GALNT13: variants seen among roughly 807,000 people sequenced by gnomAD.
GALNT13 encodes the protein UDP-GalNAc:polypeptide N-acetylgalactosaminyltransferase 13.
In GALNT13, 28 loss-of-function variants were observed where a neutral mutation model predicts 64.2. That is an observed-to-expected ratio of 0.44 (90% CI 0.32 to 0.60). The LOEUF (loss-of-function observed/expected upper bound fraction) is 0.60, where lower values mean the gene tolerates loss of function less well. Among genes scored for constraint, GALNT13 ranks in the 20% least tolerant of loss-of-function variants. The probability of loss-of-function intolerance (pLI) is 0.05; values close to 1 mark genes in which losing one functional copy is unlikely to be tolerated. For synonymous variants in GALNT13, 214 were observed against 224.6 expected, an observed-to-expected ratio of 0.95 and a Z score of 0.42; for missense variants, 577 against 669.8, an observed-to-expected ratio of 0.86 and a Z score of 1.53.
the GALNT13 span, among the ~76,000 whole-genome samples, chr2:153,236,304 T>A: frequency 6.6e-6 from 1 of 152,084 alleles, no homozygotes; most frequent in Non-Finnish European, 1.5e-5. Context: ...CTAGCTAAGA[T>A]CATTGATGAA....
chr2:154,370,898 CAG>C (rs1697649136), intron 9 of GALNT13, among the ~76,000 whole-genome samples: 1 of 152,036 alleles, frequency 6.6e-6, no homozygotes, highest in Admixed American at 6.6e-5. Flanking sequence ...AATTAAGTCT[CAG>C]GGCACAACAT....
chr2:154,108,746 T>C (rs940272538), intron 3 of GALNT13, among the ~76,000 whole-genome samples: 2 of 152,096 alleles, frequency 1.3e-5, no homozygotes, highest in African/African-American at 2.4e-5. Flanking sequence ...CTTCTATCCA[T>C]TTTAGGGTAT....
the GALNT13 span, among the ~76,000 whole-genome samples, chr2:153,309,161 G>A: frequency 6.6e-6 from 1 of 152,068 alleles, no homozygotes. Flanking sequence ...TGGAAAACAT[G>A]TACAAACTCA....
chr2:153,120,506 TG>T, the GALNT13 span, among the ~76,000 whole-genome samples: 2 of 152,198 alleles, frequency 1.3e-5, no homozygotes, highest in Non-Finnish European at 2.9e-5. Flanking sequence ...GACAAAGTAA[TG>T]GGAATGCAGC....
chr2:154,375,150 G>A (rs563524268), intron 9 of GALNT13, among the ~76,000 whole-genome samples: 9 of 152,140 alleles, frequency 5.9e-5, no homozygotes, highest in South Asian at 4.1e-4. Flanking sequence ...ACCAAGCCCA[G>A]CTAATTTTTT....
chr2:154,208,524 A>G (rs1031238494), intron 4 of GALNT13, among the ~76,000 whole-genome samples: 1 of 152,066 alleles, frequency 6.6e-6, no homozygotes, highest in Non-Finnish European at 1.5e-5. Context: ...TCCTGGAGTC[A>G]TGCAGTGGCA....
intron 9 of GALNT13, among the ~76,000 whole-genome samples, chr2:154,338,809 G>A (rs966216413): frequency 6.6e-6 from 1 of 151,944 alleles, no homozygotes; most frequent in Admixed American, 6.6e-5. Flanking sequence ...TTAAGGTGTG[G>A]GCTCTGTCAT....
At chr2:154,422,974 A>T (rs1378625203) in intron 11 of GALNT13, among the ~76,000 whole-genome samples, 1 of 152,000 alleles carries the variant, frequency 6.6e-6, no homozygotes, top group Non-Finnish European at 1.5e-5. Flanking sequence ...CAGGTTTATT[A>T]TATAAGTATG....
At chr2:154,312,420 T>A (rs1253409787) in intron 9 of GALNT13, among the ~76,000 whole-genome samples, 1 of 152,200 alleles carries the variant, frequency 6.6e-6, no homozygotes, top group East Asian at 1.9e-4. Context: ...AGTCATCCTT[T>A]TTATTCGTAT....
intron 3 of GALNT13, among the ~76,000 whole-genome samples, chr2:154,104,692 G>T (rs368655113): frequency 1.3e-5 from 2 of 152,202 alleles, no homozygotes; most frequent in Admixed American, 1.3e-4. Flanking sequence ...CCATACACTA[G>T]ATCTCCAGGT....
the GALNT13 span, among the ~76,000 whole-genome samples, chr2:153,533,912 C>A: frequency 6.7e-6 from 1 of 149,852 alleles, no homozygotes; most frequent in African/African-American, 2.5e-5. Flanking sequence ...TTTTTTATTT[C>A]TTTTTCTGGA....
chr2:153,080,014 A>G, the GALNT13 span, among the ~76,000 whole-genome samples: 1 of 152,094 alleles, frequency 6.6e-6, no homozygotes, highest in African/African-American at 2.4e-5. Flanking sequence ...GTAAAATATC[A>G]TTTAAACTAA....
At chr2:153,120,045 C>A in the GALNT13 span, among the ~76,000 whole-genome samples, 1 of 152,108 alleles carries the variant, frequency 6.6e-6, no homozygotes, top group Non-Finnish European at 1.5e-5. Context: ...ATAATTATTA[C>A]CTTGGTTGCA....
chr2:153,187,145 A>G, the GALNT13 span, among the ~76,000 whole-genome samples: 1 of 152,240 alleles, frequency 6.6e-6, no homozygotes, highest in Non-Finnish European at 1.5e-5. Context: ...GAATTCTTTT[A>G]CATAATTTTC....
intron 3 of GALNT13, among the ~76,000 whole-genome samples, chr2:154,005,894 C>G (rs565440513): frequency 6.6e-6 from 1 of 152,140 alleles, no homozygotes; most frequent in East Asian, 1.9e-4. Context: ...TAGAATTTTC[C>G]TTTTGGATTA....
At chr2:153,996,119 C>G (rs1455518074) in intron 3 of GALNT13, among the ~76,000 whole-genome samples, 3 of 152,042 alleles carry the variant, frequency 2.0e-5, no homozygotes, top group Non-Finnish European at 4.4e-5. Context: ...CTGTTGTGAC[C>G]AGTGCTGCAA....
At chr2:153,497,098 G>A in the GALNT13 span, among the ~76,000 whole-genome samples, 2 of 151,738 alleles carry the variant, frequency 1.3e-5, no homozygotes, top group South Asian at 4.2e-4. Context: ...CATTCAAATA[G>A]CGGACACTCT....
At chr2:153,730,203 C>T in the GALNT13 span, among the ~76,000 whole-genome samples, 1 of 151,958 alleles carries the variant, frequency 6.6e-6, no homozygotes, top group Non-Finnish European at 1.5e-5. Flanking sequence ...TACTACAAGA[C>T]TATAGTACCG....
At chr2:153,266,390 T>C in the GALNT13 span, among the ~76,000 whole-genome samples, 2 of 152,066 alleles carry the variant, frequency 1.3e-5, no homozygotes, top group Non-Finnish European at 2.9e-5. Flanking sequence ...CGTGTTGGAG[T>C]GAAAGGGTTT....
Sources: allele counts gnomAD v4.1 joint callset (sites outside exome capture counted in the v4.1 genomes callset), GRCh38; gene constraint gnomAD v4.1.1; transcripts MANE v1.5; gene names NCBI Gene and HGNC (gene_info 2026-07-23, HGNC 2026-07-21).